Variants in PEX5L observed in about 807,000 individuals in gnomAD.
The protein encoded by PEX5L is PEX5-related protein.
Under a neutral mutation model 84.0 loss-of-function variants are expected in PEX5L, and 30 were observed. The ratio of observed to expected loss-of-function variants is 0.36; its 90% confidence interval spans 0.27 to 0.48. The LOEUF (loss-of-function observed/expected upper bound fraction) is 0.48, where lower values mean the gene tolerates loss of function less well. Ranked by LOEUF, PEX5L falls within the 20% of genes least tolerant of loss-of-function variation. PEX5L has a pLI of 0.99. For missense variants in PEX5L, 533 were observed against 754.6 expected, an observed-to-expected ratio of 0.71 and a Z score of 3.44; for synonymous variants, 270 against 283.1, an observed-to-expected ratio of 0.95 and a Z score of 0.46.
At chr3:179,810,393 T>A (rs1390628291) in intron 11 of PEX5L, among the ~76,000 whole-genome samples, 1 of 152,110 alleles carries the variant, frequency 6.6e-6, no homozygotes, top group Admixed American at 6.5e-5. Context: ...TTTACAGTCT[T>A]TTGCAAAGGA....
chr3:179,832,388 C>T (rs1301157638), intron 8 of PEX5L, among the ~76,000 whole-genome samples: 1 of 151,554 alleles, frequency 6.6e-6, no homozygotes, highest in Admixed American at 6.6e-5. Context: ...ACTTATCCAC[C>T]CACCAACCTT....
At chr3:179,852,925 A>G (rs1047739239) in intron 8 of PEX5L, among the ~76,000 whole-genome samples, 3 of 152,132 alleles carry the variant, frequency 2.0e-5, no homozygotes, top group African/African-American at 7.2e-5. Context: ...TACCTTAAGC[A>G]CTCACTAGTG....
intron 2 of PEX5L, among the ~76,000 whole-genome samples, chr3:179,942,034 A>AG (rs1194485554): frequency 4.0e-5 from 6 of 151,554 alleles, no homozygotes; most frequent in African/African-American, 7.3e-5. Context: ...AAAAAAAAAA[A>AG]AAGAAGAAAA....
chr3:179,831,403 T>G (rs531382187), intron 8 of PEX5L, among the ~76,000 whole-genome samples: 1 of 152,290 alleles, frequency 6.6e-6, no homozygotes, highest in East Asian at 1.9e-4. Flanking sequence ...GGAACCTCTT[T>G]GAAGTAATTC....
In PEX5L at chr3:179,991,346, T is replaced by C. The variant is rs566442271; in HGVS notation, c.22-19681A>G. Among the ~76,000 whole-genome samples, 11 of 152,358 alleles carry C rather than the reference T, an allele frequency of 7.2e-5. No individual in the cohort carries two copies. In the South Asian group the frequency reaches 2.3e-3, roughly 32 times the overall value. On this transcript the variant is annotated intron_variant, in intron 1 of 14. Transcript: ENST00000467460. Reference sequence around the variant, plus strand: ...GTCGCAAGGCCAAGGTGACTATATCTACTGCAGACTCATGCTGTTTTATAA... The same window carrying C: ...GTCGCAAGGCCAAGGTGACTATATCCACTGCAGACTCATGCTGTTTTATAA...
At chr3:179,958,380 T>TAAAATTCCCTTTGC (rs1401251199) in intron 2 of PEX5L, among the ~76,000 whole-genome samples, 21 of 152,322 alleles carry the variant, frequency 1.4e-4, no homozygotes, top group African/African-American at 4.8e-4. Context: ...CAGCCCTGTG[T>TAAAATTCCCTTTGC]AAAATTCCCT....
intron 8 of PEX5L, among the ~76,000 whole-genome samples, chr3:179,849,788 C>A (rs941572439): frequency 6.6e-6 from 1 of 152,114 alleles, no homozygotes; most frequent in African/African-American, 2.4e-5. Flanking sequence ...TTTATTTGCT[C>A]GGTTAGTATG....
In PEX5L at chr3:179,856,939, G is replaced by T. The variant is rs75852618; in HGVS notation, c.822+2123C>A. Among the ~76,000 whole-genome samples the T allele has an allele frequency of 8.3e-3, 1,257 of 152,274 alleles. 19 individuals are homozygous for T. The highest frequency in any genetic ancestry group is 0.029 in the African/African-American group (1,214 of 41,548). ...TGAAACTAAAGTAGAATGAACAAGT[G>T]GTTTGTCCAAATTGGTCCTGTGGAC... On this transcript the variant is annotated intron_variant, in intron 8 of 14. Coordinates refer to ENST00000467460, the MANE Select transcript of PEX5L (RefSeq NM_016559.3).
At chr3:180,030,074 G>A (rs1791315107) in intron 1 of PEX5L, among the ~76,000 whole-genome samples, 2 of 152,154 alleles carry the variant, frequency 1.3e-5, no homozygotes, top group Non-Finnish European at 2.9e-5. Context: ...GCAGGGCTCT[G>A]TCAGAGGCTC....
In PEX5L at chr3:179,868,042, C is replaced by CTTT. The variant is rs71628101; in HGVS notation, c.726+6282_726+6284dup. ...TTATGTATTTATTCTTCTTCTTCTT[C>CTTT]TTTTTTTTTTTTTTTTTTTTTAGAG... is the stretch of plus-strand genomic sequence containing the variant. On this transcript the variant is annotated intron_variant, in intron 7 of 14. Transcript: ENST00000467460. 1.8e-3 allele frequency among the ~76,000 whole-genome samples: 212 copies of CTTT among 116,346 alleles called. 1 individual carries two copies. Among genetic ancestry groups the CTTT allele is most frequent in the Non-Finnish European group, 2.9e-3 (161 of 55,306 alleles). 76.3% of individuals were successfully genotyped at this position (116,346 alleles called of 152,430 possible). A position where few individuals can be genotyped will look rare whatever the true frequency, so the allele number is the denominator to read the frequency against.
At position 179,971,678 on chromosome 3, in the gene PEX5L, T is replaced by C. The variant is rs778716581; in HGVS notation, c.22-13A>G. ...GTTCTTTACTTTTCTTGTGAAAGAA[T>C]AATTTTAAATGATCATTTAGTTTCT... is the stretch of plus-strand genomic sequence containing the variant. On this transcript the variant is annotated splice_polypyrimidine_tract_variant and intron_variant, in intron 1 of 14. Transcript: ENST00000467460. 3 of 1,586,758 alleles carry C rather than the reference T, an allele frequency of 1.9e-6. No homozygotes were observed. Among genetic ancestry groups the C allele is most frequent in the African/African-American group, 1.3e-5 (1 of 74,118 alleles).
At chr3:179,873,476 T>G (rs1293639050) in intron 7 of PEX5L, among the ~76,000 whole-genome samples, 3 of 152,174 alleles carry the variant, frequency 2.0e-5, no homozygotes, top group East Asian at 3.8e-4. Flanking sequence ...GATATCTTCG[T>G]GGTTTTAGAT....
intron 1 of PEX5L, among the ~76,000 whole-genome samples, chr3:180,013,797 C>A (rs1450131954): frequency 6.6e-6 from 1 of 152,160 alleles, no homozygotes; most frequent in Middle Eastern, 3.2e-3. Flanking sequence ...GGAAAAACAA[C>A]TGGAAGAAAA....
rs113419347 is a variant in PEX5L, at chr3:179,842,255, G to A, written c.822+16807C>T. The stretch of plus-strand genomic sequence containing the variant: ...TTCCCATGCAGTCAGATTGAGTCAG[G>A]GCTCTGTCATCAAAGCTCTGTAACT... On this transcript the variant is annotated intron_variant, in intron 8 of 14. Transcript: ENST00000467460. 6.6e-3 allele frequency among the ~76,000 whole-genome samples: 1,011 copies of A among 152,180 alleles called. 13 individuals carry two copies. The highest frequency in any genetic ancestry group is 0.023 in the African/African-American group (955 of 41,496).
intron 1 of PEX5L, among the ~76,000 whole-genome samples, chr3:180,003,082 C>T (rs781026638): frequency 1.9e-4 from 29 of 152,090 alleles, no homozygotes; most frequent in East Asian, 5.8e-4. Context: ...GTGTTATTAA[C>T]GGAGATGTAA....
intron 1 of PEX5L, among the ~76,000 whole-genome samples, chr3:180,017,399 T>C (rs748728530): frequency 6.6e-6 from 1 of 152,190 alleles, no homozygotes; most frequent in African/African-American, 2.4e-5. Flanking sequence ...TCTTATACAT[T>C]CCTAAAATGT....
intron 2 of PEX5L, among the ~76,000 whole-genome samples, chr3:179,936,457 T>C (rs1038618471): frequency 2.0e-5 from 3 of 152,190 alleles, no homozygotes; most frequent in African/African-American, 4.8e-5. Context: ...GTGCCTGGCA[T>C]TTAGGAAATG....
At chr3:179,997,635 C>G (rs1788017149) in intron 1 of PEX5L, among the ~76,000 whole-genome samples, 1 of 152,224 alleles carries the variant, frequency 6.6e-6, no homozygotes. Context: ...CCCCATTCAA[C>G]TCTCCCATTT....
At chr3:179,848,752 T>C (rs1350442306) in intron 8 of PEX5L, among the ~76,000 whole-genome samples, 1 of 152,076 alleles carries the variant, frequency 6.6e-6, no homozygotes, top group African/African-American at 2.4e-5. Context: ...CAAATTGTGG[T>C]AATTGAATGG....
Sources: gnomAD v4.1 joint callset for allele counts (sites outside exome capture counted in the v4.1 genomes callset) on GRCh38, gnomAD v4.1.1 for gene constraint, MANE v1.5 for transcripts, NCBI Gene and HGNC (gene_info 2026-07-23, HGNC 2026-07-21) for gene names.